The following CCDC85A variants were observed in gnomAD, a reference collection of about 807,000 sequenced individuals.
CCDC85A encodes coiled-coil domain containing 85A, also known as coiled-coil domain-containing protein 85A.
CCDC85A carries 38 observed loss-of-function variants against 50.2 expected under a neutral mutation model. That is an observed-to-expected ratio of 0.76 (90% CI 0.58 to 0.99). CCDC85A has a LOEUF of 0.99. Among genes scored for constraint, CCDC85A ranks in the 50% least tolerant of loss-of-function variants. The pLI is 0.00. For missense variants in CCDC85A, 820 were observed against 742.0 expected, an observed-to-expected ratio of 1.11 and a Z score of -1.22; for synonymous variants, 366 against 301.4, an observed-to-expected ratio of 1.21 and a Z score of -2.22.
intron 2 of CCDC85A, among the ~76,000 whole-genome samples, chr2:56,303,177 T>C (rs1283410377): frequency 6.6e-6 from 1 of 152,214 alleles, no homozygotes; most frequent in East Asian, 1.9e-4. Context: ...TTTGTCTATG[T>C]GCTGTACTTG....
At chr2:56,277,677 C>T (rs1252357665) in intron 2 of CCDC85A, among the ~76,000 whole-genome samples, 1 of 152,224 alleles carries the variant, frequency 6.6e-6, no homozygotes, top group African/African-American at 2.4e-5. Context: ...ATTTCCTAAG[C>T]ACCCTCTGTA....
Position 56,184,040 on chromosome 2 carries a change from C to T in CCDC85A, c.-585C>T, listed in dbSNP as rs1359197643. 5.1e-6 allele frequency: 5 copies of T among 985,114 alleles called. No individual in the cohort carries two copies. Among genetic ancestry groups the T allele is most frequent in the Non-Finnish European group, 6.0e-6 (5 of 829,674 alleles). The allele number at this position is 985,114 out of a possible 1,614,324, so 61.0% of individuals were successfully genotyped here. On this transcript the variant is annotated 5_prime_UTR_variant, in exon 1 of 6. Transcript: ENST00000407595. ...AAGGCTTTCCGGAGCAGCCTAGGAG[C>T]GGCCGCGGGCGCAGCGAAGGCGGCA...
chr2:56,184,207 G>GT lies in CCDC85A; in HGVS notation c.-417dup, dbSNP rs1461020001. Reference sequence around the variant, plus strand: ...CTGGGCAAGGGGGAGGAAAGTGCGTGTGCGTGCACGCCTGTGTGCAGGGCA... The same window carrying GT: ...CTGGGCAAGGGGGAGGAAAGTGCGTGTTGCGTGCACGCCTGTGTGCAGGGCA... On this transcript the variant is annotated 5_prime_UTR_variant, in exon 1 of 6. Transcript: ENST00000407595. The GT allele has an allele frequency of 1.0e-6, 1 of 989,282 alleles. No homozygotes were observed. Among genetic ancestry groups the GT allele is most frequent in the African/African-American group, 1.7e-5 (1 of 57,562 alleles). The allele number at this position is 989,282 out of a possible 1,614,324, so 61.3% of individuals were successfully genotyped here.
At chr2:56,233,958 A>C (rs946709255) in intron 2 of CCDC85A, among the ~76,000 whole-genome samples, 1 of 152,320 alleles carries the variant, frequency 6.6e-6, no homozygotes, top group African/African-American at 2.4e-5. Flanking sequence ...TCAAATTGGA[A>C]ATGCAAGGGC....
At chr2:56,332,245 C>T (rs998002517) in intron 2 of CCDC85A, among the ~76,000 whole-genome samples, 1 of 152,156 alleles carries the variant, frequency 6.6e-6, no homozygotes, top group South Asian at 2.1e-4. Flanking sequence ...ACACCTAATT[C>T]TGTGTCTCCC....
chr2:56,254,582 C>T (rs1051636065), intron 2 of CCDC85A, among the ~76,000 whole-genome samples: 1 of 152,170 alleles, frequency 6.6e-6, no homozygotes, highest in Non-Finnish European at 1.5e-5. Context: ...CTGTTCTAGA[C>T]TGGGTTTTAA....
At chr2:56,211,406 A>T (rs1268678363) in intron 2 of CCDC85A, among the ~76,000 whole-genome samples, 2 of 151,736 alleles carry the variant, frequency 1.3e-5, no homozygotes, top group African/African-American at 4.8e-5. Context: ...TTCCTCCTGC[A>T]TTTTTTTATT....
chr2:56,341,802 A>C (rs923108713), intron 2 of CCDC85A, among the ~76,000 whole-genome samples: 1 of 152,146 alleles, frequency 6.6e-6, no homozygotes, highest in African/African-American at 2.4e-5. Context: ...TGTGTGAAAA[A>C]CTTGGGTCTC....
At chr2:56,215,149 T>C (rs1163011685) in intron 2 of CCDC85A, among the ~76,000 whole-genome samples, 1 of 151,940 alleles carries the variant, frequency 6.6e-6, no homozygotes, top group East Asian at 1.9e-4. Context: ...TGATACTTTT[T>C]CTTACATTTC....
intron 2 of CCDC85A, among the ~76,000 whole-genome samples, chr2:56,321,467 C>CA (rs1673180255): frequency 6.6e-6 from 1 of 152,106 alleles, no homozygotes; most frequent in African/African-American, 2.4e-5. Flanking sequence ...AATCAGTGTG[C>CA]AAAAATCACA....
In CCDC85A at chr2:56,189,295, G is replaced by GTATTTTTTTTTTTTTTTTTTTTTT. The variant is rs773078371; in HGVS notation, c.277-3181_277-3180insATTTTTTTTTTTTTTTTTTTTTTT. 8.6e-4 allele frequency among the ~76,000 whole-genome samples: 86 copies of GTATTTTTTTTTTTTTTTTTTTTTT among 100,418 alleles called. 5 individuals are homozygous for GTATTTTTTTTTTTTTTTTTTTTTT. The highest frequency in any genetic ancestry group is 3.4e-3 in the African/African-American group (77 of 22,378). The allele number at this position is 100,418 out of a possible 152,430, so 65.9% of individuals were successfully genotyped here. On this transcript the variant is annotated intron_variant, in intron 1 of 5. Coordinates refer to ENST00000407595, the MANE Select transcript of CCDC85A (RefSeq NM_001080433.2). ...GCAAAACATGCACGGGGTATTTTTG[G>GTATTTTTTTTTTTTTTTTTTTTTT]TGTTTTTTTTTTTTTTTGAGACAAG... is the stretch of plus-strand genomic sequence containing the variant.
intron 2 of CCDC85A, among the ~76,000 whole-genome samples, chr2:56,264,541 C>A (rs1274000133): frequency 6.6e-6 from 1 of 152,174 alleles, no homozygotes; most frequent in African/African-American, 2.4e-5. Flanking sequence ...ACTGCCAACA[C>A]CCTGGTCTAA....
chr2:56,317,378 C>A lies in CCDC85A; in HGVS notation c.1241-25501C>A, dbSNP rs116140184. Among the ~76,000 whole-genome samples the A allele has an allele frequency of 2.8e-3, 419 of 152,222 alleles. 2 individuals are homozygous for A. Among genetic ancestry groups the A allele is most frequent in the African/African-American group, 9.8e-3 (407 of 41,560 alleles). On this transcript the variant is annotated intron_variant, in intron 2 of 5. Transcript: ENST00000407595. ...GGAGTGATCCAAAAGTCTACACTGG[C>A]ATTGCCAGTATAGCATTTCTCTGAG... is the stretch of plus-strand genomic sequence containing the variant.
chr2:56,315,330 C>T (rs3886957), intron 2 of CCDC85A, among the ~76,000 whole-genome samples: 53,735 of 151,950 alleles, frequency 0.35, 11,257 homozygotes, highest in African/African-American at 0.58. Flanking sequence ...TTCTCCCCCT[C>T]CCAGCGGCCT....
chr2:56,341,816 C>T (rs921901458), intron 2 of CCDC85A, among the ~76,000 whole-genome samples: 2 of 152,196 alleles, frequency 1.3e-5, no homozygotes, highest in African/African-American at 4.8e-5. Context: ...GGGTCTCTGT[C>T]ACAGTCAGCC....
At chr2:56,223,744 C>A (rs1668426846) in intron 2 of CCDC85A, among the ~76,000 whole-genome samples, 1 of 152,068 alleles carries the variant, frequency 6.6e-6, no homozygotes, top group Admixed American at 6.6e-5. Flanking sequence ...CTATATTATT[C>A]TGACCATCAA....
rs1234027500 is a variant in CCDC85A at position 56,192,165 on chromosome 2, A to G, written c.277-312A>G. ...TTGGATGACATAATGCAAGTAAAGT[A>G]TTGTGCAGGGATAGAACTGATACTT... On this transcript the variant is annotated intron_variant, in intron 1 of 5. Transcript: ENST00000407595. This position sits in a 1 kb window ranked among gnomAD's most constrained non-coding sequence, Gnocchi z 4.7. Among the ~76,000 whole-genome samples the G allele has an allele frequency of 6.6e-6, 1 of 152,130 alleles. No homozygotes were observed.
At chr2:56,235,997 AAAG>A (rs1207900715) in intron 2 of CCDC85A, among the ~76,000 whole-genome samples, 10 of 152,196 alleles carry the variant, frequency 6.6e-5, no homozygotes, top group African/African-American at 2.4e-4. Flanking sequence ...GATCAAAGGA[AAAG>A]AAATACAAAG....
intron 2 of CCDC85A, among the ~76,000 whole-genome samples, chr2:56,331,205 T>A (rs1673773618): frequency 1.3e-5 from 2 of 152,022 alleles, no homozygotes; most frequent in Admixed American, 1.3e-4. Context: ...TGTGGAATAA[T>A]AATAAACATT....
Sources: gnomAD v4.1 joint callset for allele counts (sites outside exome capture counted in the v4.1 genomes callset) on GRCh38, gnomAD v4.1.1 for gene constraint, Gnocchi (gnomAD v3.1) non-coding constraint, MANE v1.5 for transcripts, NCBI Gene and HGNC (gene_info 2026-07-23, HGNC 2026-07-21) for gene names.